The following MED14 variants were observed in gnomAD, a reference collection of about 807,000 sequenced individuals.
MED14 encodes the protein mediator complex subunit 14, also known as mediator of RNA polymerase II transcription subunit 14.
MED14 carries 8 observed loss-of-function variants against 109.0 expected under a neutral mutation model. The ratio of observed to expected loss-of-function variants is 0.07; its 90% CI spans 0.04 to 0.13. The LOEUF is 0.13. Among genes scored for constraint, MED14 ranks in the 10% least tolerant of loss-of-function variants. The probability of loss-of-function intolerance (pLI) is 1.00; values close to 1 mark genes in which losing one functional copy is unlikely to be tolerated. For synonymous variants in MED14, 399 were observed against 408.7 expected (o/e 0.98, Z 0.29); for missense variants, 711 against 1,142.4 (o/e 0.62, Z 5.44).
chrX:40,677,047 C>A (rs1929930247), intron 21 of MED14, among the ~76,000 whole-genome samples: 1 of 111,787 alleles, frequency 8.9e-6, no homozygotes, highest in Admixed American at 9.5e-5. Context: ...CTCCCAGATC[C>A]TCTGCTATTC....
In MED14 at chrX:40,649,700, G is replaced by T; in HGVS notation, c.*2106C>A. The T allele has an allele frequency of 1.1e-6, 1 of 897,411 alleles. No homozygotes were observed. The highest frequency in any genetic ancestry group is 1.1e-4 in the East Asian group (1 of 9,134). The allele number at this position is 897,411 out of a possible 1,213,427, so 74.0% of individuals were successfully genotyped here. ...GGGTAACAAAAGAGGCAAAAGACAT[G>T]ATTTGTGATGAAACTTACTATTCAA... On this transcript the variant is annotated 3_prime_UTR_variant, in exon 31 of 31. Coordinates refer to ENST00000324817, the MANE Select transcript of MED14 (RefSeq NM_004229.4).
In MED14 at chrX:40,649,425, G is replaced by T; in HGVS notation, c.*2381C>A. ...TTATACATTCTGAAATGGCATTTCA[G>T]CAGATGGAAAAATGAAGGTGGCAAA... On this transcript the variant is annotated 3_prime_UTR_variant, in exon 31 of 31. Transcript: ENST00000324817. 1 of 195,026 alleles carries T rather than the reference G, an allele frequency of 5.1e-6. No individual in the cohort carries two copies. The highest frequency in any genetic ancestry group is 9.1e-6 in the Non-Finnish European group (1 of 110,445). The allele number at this position is 195,026 out of a possible 1,213,427, so 16.1% of individuals were successfully genotyped here.
chrX:40,734,658 C>T (rs899533293), intron 1 of MED14, among the ~76,000 whole-genome samples: 1 of 112,307 alleles, frequency 8.9e-6, no homozygotes, highest in African/African-American at 3.2e-5. Context: ...CCCCTTCATA[C>T]TCCAAGAAAT....
chrX:40,692,151 TG>T, intron 15 of MED14, 31 bp downstream of exon 15: 1 of 1,182,746 alleles, frequency 8.5e-7, no homozygotes. Flanking sequence ...CTCTTTCATT[TG>T]GGGTATCCAG....
At position 40,733,107 on chromosome X, in the gene MED14, A is replaced by AT. The variant is rs753217918; in HGVS notation, c.215+2090dup. On this transcript the variant is annotated intron_variant, in intron 1 of 30. Transcript: ENST00000324817. Reference sequence around the variant, plus strand: ...GGTCACTATACAGATGATTATCAATATTTTTTTTTTTTTTTTTGAGATAGG... The same window carrying AT: ...GGTCACTATACAGATGATTATCAATATTTTTTTTTTTTTTTTTTGAGATAGG... 5.3e-3 allele frequency among the ~76,000 whole-genome samples: 521 copies of AT among 98,638 alleles called. 2 individuals carry two copies. Among genetic ancestry groups the AT allele is most frequent in the Middle Eastern group, 0.01 (2 of 192 alleles). The allele number at this position is 98,638 out of a possible 115,157, so 85.7% of individuals were successfully genotyped here.
In MED14 at chrX:40,700,176, A is replaced by G. The variant is rs191805295; in HGVS notation, c.1490+989T>C. On this transcript the variant is annotated intron_variant, in intron 12 of 30. Transcript: ENST00000324817. ...TAAAAAATAAATAAATAAATAAAAT[A>G]AAACAAAAAATCATGCCCTGAATAC... Among the ~76,000 whole-genome samples, 402 of 107,579 alleles carry G rather than the reference A, an allele frequency of 3.7e-3. 3 individuals are homozygous for G. The highest frequency in any genetic ancestry group is 9.4e-3 in the Middle Eastern group (2 of 213). The allele number at this position is 107,579 out of a possible 115,157, so 93.4% of individuals were successfully genotyped here. A position where few individuals can be genotyped will look rare whatever the true frequency, so the allele number is the denominator to read the frequency against.
chrX:40,680,995 A>T, intron 19 of MED14, 85 bp from the exon 20 acceptor site: 3 of 684,263 alleles, frequency 4.4e-6, no homozygotes, highest in Non-Finnish European at 6.4e-6. Flanking sequence ...AAGTAAGGCA[A>T]AACGCCAAAA....
intron 15 of MED14, among the ~76,000 whole-genome samples, chrX:40,689,050 A>T (rs1930399041): frequency 8.9e-6 from 1 of 112,552 alleles, no homozygotes; most frequent in Non-Finnish European, 1.9e-5. Flanking sequence ...CTCTTTCCCA[A>T]TTAAAGGATT....
intron 23 of MED14, among the ~76,000 whole-genome samples, chrX:40,671,247 T>A (rs1371314200): frequency 9.0e-6 from 1 of 111,566 alleles, no homozygotes; most frequent in African/African-American, 3.3e-5. Flanking sequence ...AGGCAGCATT[T>A]GGCACAGAGT....
chrX:40,670,451 A>G (rs1046316801), intron 23 of MED14, among the ~76,000 whole-genome samples: 4 of 112,605 alleles, frequency 3.6e-5, no homozygotes, highest in Non-Finnish European at 7.5e-5. Flanking sequence ...ATACATATCT[A>G]TAAGAATTTT....
intron 4 of MED14, 134 bp from the exon 5 acceptor site, chrX:40,714,041 A>G: frequency 1.6e-6 from 1 of 641,869 alleles, no homozygotes; most frequent in Non-Finnish European, 2.3e-6. Flanking sequence ...GTCTACTTAC[A>G]AAAACAATGG....
chrX:40,702,057 GT>G (rs1203128325), intron 11 of MED14, among the ~76,000 whole-genome samples: 2 of 111,728 alleles, frequency 1.8e-5, no homozygotes, highest in Non-Finnish European at 3.8e-5. Flanking sequence ...GAAGGCAGCT[GT>G]CTATATACAA....
In MED14 at chrX:40,697,085, A is replaced by G; in HGVS notation, c.1589T>C (p.Ile530Thr). Residue 530 changes from isoleucine to threonine, a missense_variant, in exon 13 of 31, where the codon ATT (isoleucine) becomes ACT (threonine). Ile to Thr is a moderately conservative substitution (Grantham distance 89). Coordinates refer to ENST00000324817, the MANE Select transcript of MED14 (RefSeq NM_004229.4). ...LQLSNYSTHP[I>T]GNLSKNKLFI... Reference sequence around the variant, plus strand: ...CAGTTTATTCTTAGAAAGGTTTCCAATAGGATGAGTTGAGTAATTGGAAAG... The same window carrying G: ...CAGTTTATTCTTAGAAAGGTTTCCAGTAGGATGAGTTGAGTAATTGGAAAG... 8.4e-7 allele frequency: 1 copy of G among 1,194,917 alleles called. No homozygotes were observed. The highest frequency in any genetic ancestry group is 1.1e-6 in the Non-Finnish European group (1 of 880,379).
intron 3 of MED14, among the ~76,000 whole-genome samples, chrX:40,721,776 T>C (rs990233350): frequency 1.8e-5 from 2 of 112,682 alleles, no homozygotes; most frequent in Non-Finnish European, 3.8e-5. Context: ...TACATCACCA[T>C]ACCCCCAGTT....
chrX:40,716,709 AC>A (rs1439643439), intron 3 of MED14, among the ~76,000 whole-genome samples: 1 of 111,569 alleles, frequency 9.0e-6, no homozygotes, highest in Non-Finnish European at 1.9e-5. Context: ...AGATATCTGC[AC>A]TCCCAGGTTT....
chrX:40,658,263 A>G (rs1253723581), intron 28 of MED14, among the ~76,000 whole-genome samples: 3 of 100,226 alleles, frequency 3.0e-5, no homozygotes, highest in Non-Finnish European at 6.1e-5. Flanking sequence ...CTAATTTTTT[A>G]GTATTTTTAG....
chrX:40,656,135 T>C (rs1485029304), intron 28 of MED14, among the ~76,000 whole-genome samples: 10 of 109,917 alleles, frequency 9.1e-5, no homozygotes, highest in African/African-American at 3.3e-4. Context: ...ATCCAAATGG[T>C]ATTAGAAAAA....
intron 2 of MED14, 78 bp downstream of exon 2, chrX:40,729,241 C>T: frequency 9.8e-7 from 1 of 1,015,355 alleles, no homozygotes; most frequent in South Asian, 2.2e-5. Context: ...CACAGCCCTA[C>T]ACCACCCATA....
intron 11 of MED14, 72 bp from the exon 12 acceptor site, chrX:40,701,315 CAAAT>C (rs1197252289): frequency 1.1e-5 from 7 of 622,964 alleles, no homozygotes; most frequent in South Asian, 3.5e-5. Flanking sequence ...TAGTGTAAAA[CAAAT>C]AAAACAAATG....
Sources: allele counts gnomAD v4.1 joint callset (sites outside exome capture counted in the v4.1 genomes callset), GRCh38; gene constraint gnomAD v4.1.1; transcripts MANE v1.5; gene names NCBI Gene and HGNC (gene_info 2026-07-23, HGNC 2026-07-21).